The following SCN9A variants were observed in gnomAD, a reference collection of about 807,000 sequenced individuals.
SCN9A encodes the protein sodium channel protein type 9 subunit alpha.
Under a neutral mutation model 187.0 loss-of-function variants are expected in SCN9A, and 131 were observed. That is an observed-to-expected ratio of 0.70 (90% CI 0.61 to 0.81). SCN9A has a LOEUF of 0.81. Among genes scored for constraint, SCN9A ranks in the 30% least tolerant of loss-of-function variants. The probability of loss-of-function intolerance (pLI) is 0.00; values close to 1 mark genes in which losing one functional copy is unlikely to be tolerated. For synonymous variants in SCN9A, 809 were observed against 808.6 expected (o/e 1.00, Z -0.01); for missense variants, 2,252 against 2,396.6 (o/e 0.94, Z 1.26).
rs1695490286 is a variant in SCN9A at position 166,239,852 on chromosome 2, G to A, written c.3628-1585C>T. Among the ~76,000 whole-genome samples the A allele has an allele frequency of 1.3e-5, 2 of 152,178 alleles. 1 individual carries two copies. Among genetic ancestry groups the A allele is most frequent in the South Asian group, 4.1e-4 (2 of 4,828 alleles). ...CTCTCTCTGACTGGTCCCAGAGCAG[G>A]AATTAGAATTCAGCCCACAGGGGTT... On this transcript the variant is annotated intron_variant, in intron 19 of 26. Transcript: ENST00000642356.
intron 24 of SCN9A, among the ~76,000 whole-genome samples, chr2:166,222,972 A>AAAAAAAAAAAAAG (rs1694683935): frequency 7.5e-6 from 1 of 133,344 alleles, no homozygotes; most frequent in African/African-American, 2.8e-5. Context: ...AAAAAAAAAA[A>AAAAAAAAAAAAAG]CAGCAACAAA....
At chr2:166,350,647 G>A (rs1286923390) in intron 1 of SCN9A, among the ~76,000 whole-genome samples, 1 of 152,062 alleles carries the variant, frequency 6.6e-6, no homozygotes, top group East Asian at 1.9e-4. Context: ...CTGTAAATAA[G>A]AATTAGAACT....
chr2:166,363,046 T>C (rs984143790), intron 1 of SCN9A, among the ~76,000 whole-genome samples: 1 of 151,988 alleles, frequency 6.6e-6, no homozygotes, highest in East Asian at 1.9e-4. Flanking sequence ...TCCACAAGGA[T>C]TGTCTAAAAA....
intron 1 of SCN9A, among the ~76,000 whole-genome samples, chr2:166,355,390 GT>G (rs1376181652): frequency 1.3e-5 from 2 of 151,694 alleles, no homozygotes; most frequent in African/African-American, 4.8e-5. Context: ...TATTTAAAAC[GT>G]TTTTATCTAA....
Position 166,311,786 on chromosome 2 carries a change from T to A in SCN9A, c.-30A>T. 1 of 1,550,714 alleles carries A rather than the reference T, an allele frequency of 6.4e-7. No individual in the cohort carries two copies. The highest frequency in any genetic ancestry group is 8.7e-7 in the Non-Finnish European group (1 of 1,144,028). ...TCATCCTGTATATTTTAATTCCTCTTCAGCTCCTCACATAAGAGGCCTGGA... is the reference window on the plus strand; with the variant it reads ...TCATCCTGTATATTTTAATTCCTCTACAGCTCCTCACATAAGAGGCCTGGA... On this transcript the variant is annotated 5_prime_UTR_variant, in exon 2 of 27. Transcript: ENST00000642356.
chr2:166,249,461 T>C (rs1211833483), intron 18 of SCN9A: 1 of 152,146 alleles, frequency 6.6e-6, no homozygotes, highest in South Asian at 2.1e-4. Flanking sequence ...GCAAATTGGC[T>C]GCTTCACTGA....
At chr2:166,206,511 T>C (rs1693813971) in intron 24 of SCN9A, among the ~76,000 whole-genome samples, 1 of 151,944 alleles carries the variant, frequency 6.6e-6, no homozygotes. Context: ...CCAGGGGCAG[T>C]TAGGGGGTTG....
chr2:166,201,541 AC>A (rs1350338122), intron 26 of SCN9A, among the ~76,000 whole-genome samples: 2 of 15,170 alleles, frequency 1.3e-4, no homozygotes, highest in African/African-American at 6.3e-4. Context: ...GTATGCGTAT[AC>A]TATATATATA....
At chr2:166,338,342 A>T (rs1699679844) in intron 1 of SCN9A, among the ~76,000 whole-genome samples, 1 of 150,992 alleles carries the variant, frequency 6.6e-6, no homozygotes, top group South Asian at 2.1e-4. Context: ...TTTAGGGCTT[A>T]TTTTTTTTTC....
At chr2:166,237,254 G>A (rs536626180) in intron 20 of SCN9A, among the ~76,000 whole-genome samples, 35 of 151,534 alleles carry the variant, frequency 2.3e-4, no homozygotes, top group South Asian at 6.2e-4. Flanking sequence ...GTATTGTACC[G>A]TTAGTTTCTA....
intron 24 of SCN9A, among the ~76,000 whole-genome samples, chr2:166,221,159 GAAGACACAAATAAATGGA>G (rs1049124448): frequency 3.9e-5 from 6 of 152,092 alleles, no homozygotes; most frequent in African/African-American, 1.4e-4. Context: ...GGAAATTAAA[GAAGACACAAATAAATGGA>G]AAGACCCAGT....
rs1181702030 is a variant in SCN9A at position 166,301,080 on chromosome 2, A to G, written c.901+2010T>C. 1.0e-4 allele frequency: 13 copies of G among 124,190 alleles called. 1 individual carries two copies. The highest frequency in any genetic ancestry group is 4.3e-4 in the African/African-American group (13 of 30,476). The allele number at this position is 124,190 out of a possible 1,614,324, so 7.7% of individuals were successfully genotyped here. A position where few individuals can be genotyped will look rare whatever the true frequency, so the allele number is the denominator to read the frequency against. ...CCACCATGCCCGGCTAATTTTTTGT[A>G]TTTTTAGTAGAGACGGGGTTTCTTT... is the stretch of plus-strand genomic sequence containing the variant. On this transcript the variant is annotated intron_variant, in intron 7 of 26. Transcript: ENST00000642356.
At chr2:166,367,905 T>C (rs1453590242) in intron 1 of SCN9A, among the ~76,000 whole-genome samples, 1 of 152,222 alleles carries the variant, frequency 6.6e-6, no homozygotes, top group African/African-American at 2.4e-5. Flanking sequence ...CATCCATCTT[T>C]CTTTTTTTGT....
chr2:166,207,156 C>A (rs1325387518), intron 24 of SCN9A, among the ~76,000 whole-genome samples: 1 of 152,110 alleles, frequency 6.6e-6, no homozygotes, highest in Non-Finnish European at 1.5e-5. Flanking sequence ...TTTTAAGTCA[C>A]AGCATAAATT....
At chr2:166,375,000 G>T (rs1037288563) in intron 1 of SCN9A, among the ~76,000 whole-genome samples, 1 of 151,878 alleles carries the variant, frequency 6.6e-6, no homozygotes, top group Non-Finnish European at 1.5e-5. Flanking sequence ...TTCTTGTTCT[G>T]ATTTTTGTCT....
chr2:166,251,984 A>C, intron 17 of SCN9A, 99 bp from the exon 18 acceptor site: 2 of 1,352,396 alleles, frequency 1.5e-6, no homozygotes, highest in Non-Finnish European at 2.0e-6. Flanking sequence ...GCAAAGTATT[A>C]TGAAAAAAGA....
At chr2:166,286,082 T>C (rs569970774) in intron 11 of SCN9A, among the ~76,000 whole-genome samples, 111 of 152,288 alleles carry the variant, frequency 7.3e-4, no homozygotes, top group African/African-American at 2.6e-3. Flanking sequence ...CTCAGGAACA[T>C]TTTGCTTCTG....
chr2:166,210,221 C>A (rs1374273407), intron 24 of SCN9A, among the ~76,000 whole-genome samples: 1 of 152,078 alleles, frequency 6.6e-6, no homozygotes, highest in East Asian at 1.9e-4. Context: ...AAACCAAACA[C>A]TGCACTTTCT....
At chr2:166,269,317 A>ATAGC (rs1231739779) in intron 17 of SCN9A, among the ~76,000 whole-genome samples, 1 of 152,030 alleles carries the variant, frequency 6.6e-6, no homozygotes, top group African/African-American at 2.4e-5. Flanking sequence ...GTTATAAAAG[A>ATAGC]TAGCTAACCA....
Sources: allele counts gnomAD v4.1 joint callset (sites outside exome capture counted in the v4.1 genomes callset), GRCh38; gene constraint gnomAD v4.1.1; transcripts MANE v1.5; gene names NCBI Gene and HGNC (gene_info 2026-07-23, HGNC 2026-07-21).